Variants in KICS2 observed in about 807,000 individuals in gnomAD.
KICS2 encodes KICSTOR subunit 2.
A neutral mutation model predicts 31.4 loss-of-function variants in KICS2; 13 were observed. That is an observed-to-expected ratio of 0.41 (90% confidence interval 0.27 to 0.66). The LOEUF is 0.66. Ranked by LOEUF, KICS2 falls within the 30% of genes least tolerant of loss-of-function variation. The probability of loss-of-function intolerance (pLI) is 0.28; values close to 1 mark genes in which losing one functional copy is unlikely to be tolerated. For synonymous variants in KICS2, 209 were observed against 214.8 expected (o/e 0.97, Z 0.24); for missense variants, 455 against 545.4 (o/e 0.83, Z 1.65).
rs1424839559 is a variant in KICS2 at position 64,193,545 on chromosome 12, A to G, written c.*297T>C. 2 of 1,118,314 alleles carry G rather than the reference A, an allele frequency of 1.8e-6. No individual in the cohort carries two copies. The highest frequency in any genetic ancestry group is 2.2e-6 in the Non-Finnish European group (2 of 915,758). The allele number at this position is 1,118,314 out of a possible 1,614,324, so 69.3% of individuals were successfully genotyped here. A position where few individuals can be genotyped will look rare whatever the true frequency, so the allele number is the denominator to read the frequency against. On this transcript the variant is annotated 3_prime_UTR_variant, in exon 3 of 3. Transcript: ENST00000398055. ...CAGAAAAACATATGGGAAAAAAAAA[A>G]GCCCAATAAATATTCAATCTACAAG... is the stretch of plus-strand genomic sequence containing the variant.
intron 2 of KICS2, among the ~76,000 whole-genome samples, chr12:64,206,138 T>G (rs2037537266): frequency 6.6e-6 from 1 of 152,196 alleles, no homozygotes; most frequent in African/African-American, 2.4e-5. Flanking sequence ...CAGGGTGGTC[T>G]TGAATGCCTA....
intron 2 of KICS2, among the ~76,000 whole-genome samples, chr12:64,210,981 T>C (rs56185528): frequency 9.9e-5 from 15 of 152,172 alleles, no homozygotes; most frequent in Non-Finnish European, 1.9e-4. Flanking sequence ...CAGGGAATTT[T>C]GAAAACAGAG....
At chr12:64,207,695 TAA>T (rs919592033) in intron 2 of KICS2, among the ~76,000 whole-genome samples, 1 of 152,200 alleles carries the variant, frequency 6.6e-6, no homozygotes. Flanking sequence ...AAGCTCACAG[TAA>T]AAAGTCAACC....
downstream of KICS2, among the ~76,000 whole-genome samples, chr12:64,189,176 T>A (rs143877583): frequency 6.6e-6 from 1 of 151,882 alleles, no homozygotes; most frequent in African/African-American, 2.4e-5. Flanking sequence ...AATAAATAAA[T>A]AAAATAAAGA....
chr12:64,190,268 C>T (rs2037368869), downstream of KICS2, among the ~76,000 whole-genome samples: 1 of 152,204 alleles, frequency 6.6e-6, no homozygotes, highest in Admixed American at 6.5e-5. Flanking sequence ...CTTTGTTACA[C>T]ACATGATCTC....
intron 2 of KICS2, among the ~76,000 whole-genome samples, chr12:64,208,785 A>G (rs963537866): frequency 3.3e-5 from 5 of 152,208 alleles, no homozygotes; most frequent in Non-Finnish European, 7.3e-5. Flanking sequence ...AATTAAAATC[A>G]TGGAATGGTT....
Position 64,193,028 on chromosome 12 carries a change from AACATGT to A in KICS2, c.*808_*813del. 5 of 985,508 alleles carry A rather than the reference AACATGT, an allele frequency of 5.1e-6. No individual in the cohort carries two copies. Among genetic ancestry groups the A allele is most frequent in the Non-Finnish European group, 6.0e-6 (5 of 829,950 alleles). The allele number at this position is 985,508 out of a possible 1,614,324, so 61.0% of individuals were successfully genotyped here. On this transcript the variant is annotated 3_prime_UTR_variant, in exon 3 of 3. Transcript: ENST00000398055. ...TAAAAATAACCAAGGAGTAGAGCCA[AACATGT>A]ACATTTCAGCAGAAAAGTGATAAAC...
At chr12:64,220,572 A>AT (rs2037671474) in intron 1 of KICS2, among the ~76,000 whole-genome samples, 1 of 152,112 alleles carries the variant, frequency 6.6e-6, no homozygotes, top group East Asian at 1.9e-4. Flanking sequence ...TGGCACTTGA[A>AT]TCAGTCACCA....
rs994472352 is a variant in KICS2 at position 64,215,802 on chromosome 12, C to T, written c.397G>A (p.Val133Ile). The change falls in exon 2 of 3, where the codon GTT (valine) becomes ATT (isoleucine). Residue 133 changes from valine (V) to isoleucine (I), a missense_variant. Val to Ile is a conservative substitution (Grantham distance 29). Transcript: ENST00000398055. ...TCTGCTATCTCCATCCGAGCCTGAA[C>T]AAAGAAGCAGAGCTGCTCTGACAGG... ...SHLSEQLCFF[V>I]QARMEIADFY... 1.2e-6 allele frequency: 2 copies of T among 1,614,106 alleles called. No individual in the cohort carries two copies. The highest frequency in any genetic ancestry group is 2.7e-5 in the African/African-American group (2 of 75,026).
intron 1 of KICS2, among the ~76,000 whole-genome samples, chr12:64,217,284 A>G (rs1035055359): frequency 3.9e-5 from 6 of 152,132 alleles, no homozygotes; most frequent in African/African-American, 1.4e-4. Flanking sequence ...AAAATTTTGA[A>G]CAGTTGGTTA....
chr12:64,196,120 C>A (rs1364803423), intron 2 of KICS2, among the ~76,000 whole-genome samples: 1 of 152,236 alleles, frequency 6.6e-6, no homozygotes, highest in East Asian at 1.9e-4. Context: ...GGCCTGCCTG[C>A]CTCTGTAGGC....
At chr12:64,205,803 T>A (rs1238655124) in intron 2 of KICS2, among the ~76,000 whole-genome samples, 3 of 64,402 alleles carry the variant, frequency 4.7e-5, no homozygotes, top group Non-Finnish European at 1.1e-4. Flanking sequence ...GAAGGCAGGT[T>A]CGCTCCATAG....
At chr12:64,202,258 T>A (rs879708633) in intron 2 of KICS2, among the ~76,000 whole-genome samples, 2 of 151,984 alleles carry the variant, frequency 1.3e-5, no homozygotes, top group Non-Finnish European at 2.9e-5. Flanking sequence ...ATTCAAAAAT[T>A]AGTCAAGTGT....
At chr12:64,205,604 G>GGAAAAAAGGGAAGGAAGGAA (rs2037528856) in intron 2 of KICS2, among the ~76,000 whole-genome samples, 2 of 128,628 alleles carry the variant, frequency 1.6e-5, no homozygotes, top group East Asian at 4.7e-4. Flanking sequence ...AAGGAAAGGA[G>GGAAAAAAGGGAAGGAAGGAA]GGAAAAAGGG....
Position 64,193,463 on chromosome 12 carries a change from A to G in KICS2, c.*379T>C. On this transcript the variant is annotated 3_prime_UTR_variant, in exon 3 of 3. Transcript: ENST00000398055. ...ATCTCATCCCTATTACTCTTCCAAG[A>G]AGGAGGGAAACAGAGAGGCTGTTTG... 9.9e-7 allele frequency: 1 copy of G among 1,007,278 alleles called. No individual in the cohort carries two copies. The highest frequency in any genetic ancestry group is 1.2e-6 in the Non-Finnish European group (1 of 844,398). The allele number at this position is 1,007,278 out of a possible 1,614,324, so 62.4% of individuals were successfully genotyped here.
intron 2 of KICS2, among the ~76,000 whole-genome samples, chr12:64,201,605 T>TAAAAAAAAAAAACAAAAAAAAAAAAA (rs2037489557): frequency 8.6e-6 from 1 of 115,650 alleles, no homozygotes; most frequent in Non-Finnish European, 1.7e-5. Context: ...TAAAGTATAA[T>TAAAAAAAAAAAACAAAAAAAAAAAAA]AAAAAAAAAA....
intron 2 of KICS2, 73 bp downstream of exon 2, chr12:64,215,605 G>T: frequency 7.8e-7 from 1 of 1,282,324 alleles, no homozygotes; most frequent in Non-Finnish European, 1.1e-6. Context: ...ATAAGAGTGT[G>T]GAGAAAAACT....
downstream of KICS2, among the ~76,000 whole-genome samples, chr12:64,189,669 A>G (rs1004334546): frequency 2.6e-5 from 4 of 152,128 alleles, no homozygotes; most frequent in African/African-American, 9.7e-5. Context: ...AGAACATGGA[A>G]AACACACACA....
Position 64,207,257 on chromosome 12 carries a change from T to A in KICS2, c.521+8421A>T, listed in dbSNP as rs527992799. On this transcript the variant is annotated intron_variant, in intron 2 of 2. Transcript: ENST00000398055. Reference sequence around the variant, plus strand: ...AGGTGGAGGTTGCAGTGAGCTGGGATCAGGCCACTGCATTCTAGCCAAGGT... The same window carrying A: ...AGGTGGAGGTTGCAGTGAGCTGGGAACAGGCCACTGCATTCTAGCCAAGGT... Among the ~76,000 whole-genome samples, 8 of 122,078 alleles carry A rather than the reference T, an allele frequency of 6.6e-5. No individual in the cohort carries two copies. The East Asian group carries it at 1.4e-3, about 22-fold the overall frequency. 80.1% of individuals were successfully genotyped at this position (122,078 alleles called of 152,430 possible).
Sources: gnomAD v4.1 joint callset for allele counts (sites outside exome capture counted in the v4.1 genomes callset) on GRCh38, gnomAD v4.1.1 for gene constraint, MANE v1.5 for transcripts, NCBI Gene and HGNC (gene_info 2026-07-23, HGNC 2026-07-21) for gene names.